Variants in ERFL observed in about 807,000 individuals in gnomAD.
ERFL encodes the protein ETS repressor factor like.
ERFL carries 8 observed loss-of-function variants against 27.9 expected under a neutral mutation model. The observed-to-expected ratio is 0.29, with a 90% confidence interval of 0.17 to 0.52. The LOEUF (loss-of-function observed/expected upper bound fraction) is 0.52. Among genes scored for constraint, ERFL ranks in the 20% least tolerant of loss-of-function variants. The pLI, the probability that ERFL is intolerant of heterozygous loss-of-function variation, is 0.97. For synonymous variants in ERFL, 174 were observed against 202.8 expected, an observed-to-expected ratio of 0.86 and a Z score of 1.21; for missense variants, 294 against 444.4, an observed-to-expected ratio of 0.66 and a Z score of 3.04.
intron 1 of ERFL, among the ~76,000 whole-genome samples, chr19:41,919,032 A>G (rs1311803653): frequency 6.6e-6 from 1 of 150,700 alleles, no homozygotes; most frequent in Non-Finnish European, 1.5e-5. Flanking sequence ...CACAGACACT[A>G]TACATCACAC....
At chr19:41,913,894 C>T (rs1465640002) in intron 1 of ERFL, among the ~76,000 whole-genome samples, 1 of 151,016 alleles carries the variant, frequency 6.6e-6, no homozygotes, top group Non-Finnish European at 1.5e-5. Flanking sequence ...TCAGGCACTT[C>T]AGCCCCTCAC....
chr19:41,910,784 C>G lies in ERFL; in HGVS notation c.68-687G>C, dbSNP rs2145882321. 6.6e-6 allele frequency among the ~76,000 whole-genome samples: 1 copy of G among 152,286 alleles called. No individual in the cohort carries two copies. Among genetic ancestry groups the G allele is most frequent in the African/African-American group, 2.4e-5 (1 of 41,542 alleles). On this transcript the variant is annotated intron_variant, in intron 2 of 5. Coordinates refer to ENST00000597630, the MANE Select transcript of ERFL (RefSeq NM_001365103.2). The surrounding 1 kb of genome is among the most constrained non-coding windows in gnomAD (Gnocchi z 4.4). ...TGTCACACAGACATCAGTTCACTTGCCTGAGACACACAGCCACACTGGGAC... is the reference window on the plus strand; with the variant it reads ...TGTCACACAGACATCAGTTCACTTGGCTGAGACACACAGCCACACTGGGAC...
chr19:41,927,357 A>G (rs957608698), intron 1 of ERFL, among the ~76,000 whole-genome samples: 3 of 152,136 alleles, frequency 2.0e-5, no homozygotes, highest in African/African-American at 7.2e-5. Context: ...TCCTTCCCAC[A>G]GACCCTGTGA....
rs1275169304 is a variant in ERFL at position 41,917,095 on chromosome 19, G to A, written c.-13-4163C>T. On this transcript the variant is annotated intron_variant, in intron 1 of 5. Coordinates refer to ENST00000597630, the MANE Select transcript of ERFL (RefSeq NM_001365103.2). The surrounding 1 kb of genome is among the most constrained non-coding windows in gnomAD (Gnocchi z 4.8). The stretch of plus-strand genomic sequence containing the variant: ...CTGCCTCTCGAGACACAGGTCTCTC[G>A]GTCTCTCTCAGCCCCTTCGGGTGTC... Among the ~76,000 whole-genome samples, 1 of 152,070 alleles carries A rather than the reference G, an allele frequency of 6.6e-6. No homozygotes were observed. The highest frequency in any genetic ancestry group is 1.5e-5 in the Non-Finnish European group (1 of 68,016).
In ERFL at chr19:41,916,021, C is replaced by G. The variant is rs185277921; in HGVS notation, c.-13-3089G>C. 4.3e-3 allele frequency among the ~76,000 whole-genome samples: 660 copies of G among 152,156 alleles called. 4 individuals carry two copies. The highest frequency in any genetic ancestry group is 7.4e-3 in the Non-Finnish European group (503 of 67,990). ...ATTTTATTTTGCTTCCTCCACCCCC[C>G]CTTCGCCCCCCATCTCTACCGCCCG... On this transcript the variant is annotated intron_variant, in intron 1 of 5. Transcript: ENST00000597630. This position sits in a 1 kb window ranked among gnomAD's most constrained non-coding sequence, Gnocchi z 5.4.
intron 1 of ERFL, among the ~76,000 whole-genome samples, chr19:41,914,042 T>C (rs1308744397): frequency 8.3e-6 from 1 of 120,834 alleles, no homozygotes; most frequent in African/African-American, 3.3e-5. Flanking sequence ...CCTCAGACCC[T>C]GGCAGCCCAC....
At position 41,917,022 on chromosome 19, in the gene ERFL, G is replaced by A. The variant is rs1167583476; in HGVS notation, c.-13-4090C>T. 2.0e-5 allele frequency among the ~76,000 whole-genome samples: 3 copies of A among 152,138 alleles called. No homozygotes were observed. The highest frequency in any genetic ancestry group is 2.9e-5 in the Non-Finnish European group (2 of 68,032). On this transcript the variant is annotated intron_variant, in intron 1 of 5. Transcript: ENST00000597630. This position sits in a 1 kb window ranked among gnomAD's most constrained non-coding sequence, Gnocchi z 4.8. ...TGTCTCTGCATGGGTGTGTGTGTGT[G>A]TGTGCACATATGTGACACGTGCCCT... is the stretch of plus-strand genomic sequence containing the variant.
chr19:41,915,317 T>A (rs955728678), intron 1 of ERFL, among the ~76,000 whole-genome samples: 1 of 151,614 alleles, frequency 6.6e-6, no homozygotes. Context: ...TCGCAGTCTC[T>A]GTGCCCAGCC....
In ERFL at chr19:41,921,486, A is replaced by G. The variant is rs1555852480; in HGVS notation, c.-14+6554T>C. On this transcript the variant is annotated intron_variant, in intron 1 of 5. Coordinates refer to ENST00000597630, the MANE Select transcript of ERFL (RefSeq NM_001365103.2). The surrounding 1 kb of genome is among the most constrained non-coding windows in gnomAD (Gnocchi z 4.4). ...GACTGGGAGCCACATGCACACGCAG[A>G]GAGAAGAGAGAGACAGAGACAGAGA... 6.6e-6 allele frequency among the ~76,000 whole-genome samples: 1 copy of G among 151,994 alleles called. No individual in the cohort carries two copies. Among genetic ancestry groups the G allele is most frequent in the African/African-American group, 2.4e-5 (1 of 41,378 alleles).
intron 1 of ERFL, among the ~76,000 whole-genome samples, chr19:41,922,657 C>T (rs1322431530): frequency 1.5e-5 from 2 of 133,056 alleles, no homozygotes; most frequent in Non-Finnish European, 3.2e-5. Context: ...GGGCAAGGGG[C>T]GGGGCCTGGG....
In ERFL at chr19:41,910,157, C is replaced by G; in HGVS notation, c.68-60G>C. 1 of 1,508,830 alleles carries G rather than the reference C, an allele frequency of 6.6e-7. No individual in the cohort carries two copies. Among genetic ancestry groups the G allele is most frequent in the Non-Finnish European group, 9.0e-7 (1 of 1,116,000 alleles). 93.5% of individuals were successfully genotyped at this position (1,508,830 alleles called of 1,614,324 possible). A position where few individuals can be genotyped will look rare whatever the true frequency, so the allele number is the denominator to read the frequency against. On this transcript the variant is annotated intron_variant, in intron 2 of 5. Coordinates refer to ENST00000597630, the MANE Select transcript of ERFL (RefSeq NM_001365103.2). This position sits in a 1 kb window ranked among gnomAD's most constrained non-coding sequence, Gnocchi z 4.4. ...GGATGCCAAGTCCAGGGCTCTGGGT[C>G]CTGCTGGACTCAGTAACCTGGGAGG...
chr19:41,912,164 C>A (rs782407082), intron 2 of ERFL, among the ~76,000 whole-genome samples: 1 of 152,182 alleles, frequency 6.6e-6, no homozygotes, highest in Non-Finnish European at 1.5e-5. Flanking sequence ...CAGATGTGCA[C>A]GTACAAGCAA....
Position 41,908,111 on chromosome 19 carries a change from A to G in ERFL, c.*117T>C, listed in dbSNP as rs1185756284. On this transcript the variant is annotated 3_prime_UTR_variant, in exon 6 of 6. Transcript: ENST00000597630. This position sits in a 1 kb window ranked among gnomAD's most constrained non-coding sequence, Gnocchi z 6.7. ...GCTGGGGAAGGAGACTGGGGCAGCAATGTGCCCAGACCTGGGAGGTGCTGA... is the reference window on the plus strand; with the variant it reads ...GCTGGGGAAGGAGACTGGGGCAGCAGTGTGCCCAGACCTGGGAGGTGCTGA... 1 of 761,174 alleles carries G rather than the reference A, an allele frequency of 1.3e-6. No homozygotes were observed. The highest frequency in any genetic ancestry group is 1.8e-6 in the Non-Finnish European group (1 of 558,356). The allele number at this position is 761,174 out of a possible 1,614,324, so 47.2% of individuals were successfully genotyped here. A position where few individuals can be genotyped will look rare whatever the true frequency, so the allele number is the denominator to read the frequency against.
chr19:41,915,247 G>C (rs1037608820), intron 1 of ERFL, among the ~76,000 whole-genome samples: 1 of 148,972 alleles, frequency 6.7e-6, no homozygotes, highest in Non-Finnish European at 1.5e-5. Flanking sequence ...CCGTGGGATC[G>C]GCGCTCCGGG....
rs2074741976 is a variant in ERFL at position 41,909,762 on chromosome 19, G to A, written c.302+101C>T. The A allele has an allele frequency of 7.6e-7, 1 of 1,316,518 alleles. No homozygotes were observed. Among genetic ancestry groups the A allele is most frequent in the Non-Finnish European group, 1.0e-6 (1 of 970,414 alleles). The allele number at this position is 1,316,518 out of a possible 1,614,324, so 81.6% of individuals were successfully genotyped here. Reference sequence around the variant, plus strand: ...CTACTCACGCACAGCCCTGTGCCTTGTGGGATCCAGCAGGAACCTGCCCCA... The same window carrying A: ...CTACTCACGCACAGCCCTGTGCCTTATGGGATCCAGCAGGAACCTGCCCCA... On this transcript the variant is annotated intron_variant, in intron 3 of 5. Coordinates refer to ENST00000597630, the MANE Select transcript of ERFL (RefSeq NM_001365103.2). This position sits in a 1 kb window ranked among gnomAD's most constrained non-coding sequence, Gnocchi z 5.2.
At chr19:41,919,876 G>A (rs1051580776) in intron 1 of ERFL, among the ~76,000 whole-genome samples, 14 of 152,006 alleles carry the variant, frequency 9.2e-5, no homozygotes, top group African/African-American at 3.1e-4. Flanking sequence ...AGCTTTGGAC[G>A]GTCACACCAG....
chr19:41,919,875 C>T (rs933162299), intron 1 of ERFL, among the ~76,000 whole-genome samples: 3 of 152,128 alleles, frequency 2.0e-5, no homozygotes, highest in Non-Finnish European at 1.5e-5. Context: ...GAGCTTTGGA[C>T]GGTCACACCA....
rs1160242026 is a variant in ERFL, at chr19:41,908,879, T to G, written c.616+181A>C. Among the ~76,000 whole-genome samples, 2 of 145,694 alleles carry G rather than the reference T, an allele frequency of 1.4e-5. No individual in the cohort carries two copies. Among genetic ancestry groups the G allele is most frequent in the African/African-American group, 5.2e-5 (2 of 38,770 alleles). ...TTCCTTAGGCACCCCTGAAAGCCCCTGTCTCCCTCATTTCCCCTCCCTCAC... is the reference window on the plus strand; with the variant it reads ...TTCCTTAGGCACCCCTGAAAGCCCCGGTCTCCCTCATTTCCCCTCCCTCAC... On this transcript the variant is annotated intron_variant, in intron 5 of 5. Coordinates refer to ENST00000597630, the MANE Select transcript of ERFL (RefSeq NM_001365103.2). This position sits in a 1 kb window ranked among gnomAD's most constrained non-coding sequence, Gnocchi z 6.7.
chr19:41,919,300 G>A (rs1276722259), intron 1 of ERFL, among the ~76,000 whole-genome samples: 1 of 152,006 alleles, frequency 6.6e-6, no homozygotes, highest in Non-Finnish European at 1.5e-5. Context: ...CACAGACTTC[G>A]GCACAAGTTC....
Sources: gnomAD v4.1 joint callset for allele counts (sites outside exome capture counted in the v4.1 genomes callset) on GRCh38, gnomAD v4.1.1 for gene constraint, Gnocchi (gnomAD v3.1) non-coding constraint, MANE v1.5 for transcripts, NCBI Gene and HGNC (gene_info 2026-07-23, HGNC 2026-07-21) for gene names.